The following ZNF483 variants were observed in gnomAD, a reference collection of about 807,000 sequenced individuals.
ZNF483 encodes zinc finger protein 483.
Under a neutral mutation model 28.6 loss-of-function variants are expected in ZNF483, and 9 were observed. The observed-to-expected ratio is 0.32, with a 90% CI of 0.19 to 0.55. ZNF483 has a LOEUF of 0.55. Ranked by LOEUF, ZNF483 falls within the 20% of genes least tolerant of loss-of-function variation. The probability of loss-of-function intolerance (pLI) is 0.93; values close to 1 mark genes in which losing one functional copy is unlikely to be tolerated. For missense variants in ZNF483, 675 were observed against 871.7 expected (o/e 0.77, Z 2.84); for synonymous variants, 322 against 306.2 (o/e 1.05, Z -0.54).
chr9:111,544,347 C>CGT lies in ZNF483; in HGVS notation c.*1177_*1178insGT, dbSNP rs578064545. On this transcript the variant is annotated 3_prime_UTR_variant, in exon 6 of 6. Transcript: ENST00000309235. ...ATAACAATTTGCTTGGGTGTGTGTG[C>CGT]ATGTGTGTGTGTGTGTGTGTGTGTG... 21,173 of 845,326 alleles carry CGT rather than the reference C, an allele frequency of 0.025. 125 individuals carry two copies. The highest frequency in any genetic ancestry group is 0.027 in the Non-Finnish European group (19,269 of 722,626). 52.4% of individuals were successfully genotyped at this position (845,326 alleles called of 1,614,324 possible). A position where few individuals can be genotyped will look rare whatever the true frequency, so the allele number is the denominator to read the frequency against.
intron 5 of ZNF483, among the ~76,000 whole-genome samples, chr9:111,540,192 A>G (rs1042776624): frequency 2.0e-5 from 3 of 152,210 alleles, no homozygotes; most frequent in Admixed American, 6.5e-5. Context: ...AAATAATCAT[A>G]AAAGAGTAAC....
Position 111,543,812 on chromosome 9 carries a change from G to A in ZNF483, c.*642G>A. 2 of 883,450 alleles carry A rather than the reference G, an allele frequency of 2.3e-6. No individual in the cohort carries two copies. The highest frequency in any genetic ancestry group is 2.7e-6 in the Non-Finnish European group (2 of 744,206). 54.7% of individuals were successfully genotyped at this position (883,450 alleles called of 1,614,324 possible). A position where few individuals can be genotyped will look rare whatever the true frequency, so the allele number is the denominator to read the frequency against. Reference sequence around the variant, plus strand: ...TTCAATTTTTCTTTTTTGGGATGGAGTCTCACTATGTTGCCCAGACTGGTC... The same window carrying A: ...TTCAATTTTTCTTTTTTGGGATGGAATCTCACTATGTTGCCCAGACTGGTC... On this transcript the variant is annotated 3_prime_UTR_variant, in exon 6 of 6. Transcript: ENST00000309235.
At chr9:111,566,821 A>G (rs1235563687) in intron 5 of ZNF483, among the ~76,000 whole-genome samples, 1 of 152,226 alleles carries the variant, frequency 6.6e-6, no homozygotes, top group African/African-American at 2.4e-5. Context: ...ATAAATATAA[A>G]TGAATAAGTA....
intron 2 of ZNF483, chr9:111,528,059 G>A: frequency 2.1e-6 from 3 of 1,398,974 alleles, no homozygotes; most frequent in Admixed American, 2.9e-5. Flanking sequence ...AGACAAGATA[G>A]GATATAATAT....
At chr9:111,567,595 G>A (rs1828620793) in intron 5 of ZNF483, among the ~76,000 whole-genome samples, 1 of 152,180 alleles carries the variant, frequency 6.6e-6, no homozygotes, top group African/African-American at 2.4e-5. Flanking sequence ...ACTAAGAAAT[G>A]AAATCAGAGA....
At chr9:111,561,124 G>T (rs1366623068) in intron 5 of ZNF483, among the ~76,000 whole-genome samples, 4 of 58,938 alleles carry the variant, frequency 6.8e-5, no homozygotes, top group African/African-American at 3.2e-4. Context: ...GAGAGAGAGA[G>T]AGAGAGAGAG....
chr9:111,538,305 A>G (rs895226307), intron 5 of ZNF483, among the ~76,000 whole-genome samples: 2 of 152,084 alleles, frequency 1.3e-5, no homozygotes, highest in Non-Finnish European at 2.9e-5. Context: ...ACTTGAAGCC[A>G]GGAGTTTGAG....
At chr9:111,530,022 A>AT (rs1003446421) in intron 2 of ZNF483, among the ~76,000 whole-genome samples, 1 of 152,124 alleles carries the variant, frequency 6.6e-6, no homozygotes, top group Non-Finnish European at 1.5e-5. Flanking sequence ...TAACGAGGTG[A>AT]TTTTTGGAAA....
chr9:111,566,104 G>A (rs1387164945), intron 5 of ZNF483, among the ~76,000 whole-genome samples: 2 of 152,114 alleles, frequency 1.3e-5, no homozygotes, highest in East Asian at 3.9e-4. Context: ...TTGGGAGGCT[G>A]AAGTGGGAGA....
chr9:111,562,306 C>T (rs1480268779), intron 5 of ZNF483, among the ~76,000 whole-genome samples: 15 of 145,078 alleles, frequency 1.0e-4, no homozygotes, highest in Non-Finnish European at 1.5e-4. Flanking sequence ...GATAGAGTCT[C>T]GCTCTGTCAC....
At position 111,553,557 on chromosome 9, in the gene ZNF483, C is replaced by T. The variant is rs1377144580; in HGVS notation, c.*10387C>T. On this transcript the variant is annotated 3_prime_UTR_variant, in exon 6 of 6. Coordinates refer to ENST00000309235, the MANE Select transcript of ZNF483 (RefSeq NM_133464.5). ...TACATCCGTGCATAGAAAAAAAAAT[C>T]ATCTGAACTCAAATCAATCTGTTGA... 6.6e-6 allele frequency among the ~76,000 whole-genome samples: 1 copy of T among 152,044 alleles called. No homozygotes were observed. Among genetic ancestry groups the T allele is most frequent in the Admixed American group, 6.5e-5 (1 of 15,274 alleles).
chr9:111,541,411 A>T (rs1827667885), intron 5 of ZNF483, among the ~76,000 whole-genome samples: 1 of 152,132 alleles, frequency 6.6e-6, no homozygotes, highest in African/African-American at 2.4e-5. Flanking sequence ...AAAAATTCAA[A>T]ATGAGGGTGA....
intron 5 of ZNF483, among the ~76,000 whole-genome samples, chr9:111,537,472 T>C (rs1827541850): frequency 6.6e-6 from 1 of 152,118 alleles, no homozygotes; most frequent in South Asian, 2.1e-4. Context: ...CTTGGCTTCC[T>C]AAAGTGCTGG....
chr9:111,536,045 C>T (rs1203994444), intron 5 of ZNF483, among the ~76,000 whole-genome samples: 7 of 151,100 alleles, frequency 4.6e-5, no homozygotes, highest in African/African-American at 9.7e-5. Flanking sequence ...CGCGCCACCA[C>T]GCCCAGCTAA....
At chr9:111,526,324 G>A (rs1182072193) in intron 1 of ZNF483, among the ~76,000 whole-genome samples, 2 of 152,256 alleles carry the variant, frequency 1.3e-5, no homozygotes, top group African/African-American at 4.8e-5. Flanking sequence ...AGCTCAAGAG[G>A]TGAGGTCATC....
At chr9:111,540,973 C>T (rs540354886) in intron 5 of ZNF483, among the ~76,000 whole-genome samples, 199 of 151,910 alleles carry the variant, frequency 1.3e-3, no homozygotes, top group Non-Finnish European at 2.5e-3. Flanking sequence ...ATTGTACTTA[C>T]TTGTATTACA....
chr9:111,560,944 AATATATAT>A (rs746101013), intron 5 of ZNF483, among the ~76,000 whole-genome samples: 462 of 31,120 alleles, frequency 0.015, 15 homozygotes, highest in Middle Eastern at 0.026. Context: ...CTCCATCTAA[AATATATAT>A]ATATATATAT....
At chr9:111,557,769 G>C (rs901390275), downstream of ZNF483, among the ~76,000 whole-genome samples, 2 of 152,150 alleles carry the variant, frequency 1.3e-5, no homozygotes, top group African/African-American at 2.4e-5. Context: ...TTGACCACTT[G>C]ATTCAGTGGT....
At chr9:111,561,328 T>G (rs1412177994) in intron 5 of ZNF483, among the ~76,000 whole-genome samples, 1 of 151,908 alleles carries the variant, frequency 6.6e-6, no homozygotes, top group Non-Finnish European at 1.5e-5. Flanking sequence ...CATGCTGGAG[T>G]GCAGTGGTAC....
Sources: allele counts gnomAD v4.1 joint callset (sites outside exome capture counted in the v4.1 genomes callset), GRCh38; gene constraint gnomAD v4.1.1; transcripts MANE v1.5; gene names NCBI Gene and HGNC (gene_info 2026-07-23, HGNC 2026-07-21).